The following ADAMTS14 variants were observed in gnomAD, a reference collection of about 807,000 sequenced individuals.
The protein encoded by ADAMTS14 is A disintegrin and metalloproteinase with thrombospondin motifs 14.
In ADAMTS14, 100 loss-of-function variants were observed where a neutral mutation model predicts 128.6. The ratio of observed to expected loss-of-function variants is 0.78; its 90% CI spans 0.66 to 0.92. The LOEUF (loss-of-function observed/expected upper bound fraction) is 0.92. Among genes scored for constraint, ADAMTS14 ranks in the 40% least tolerant of loss-of-function variants. The pLI is 0.00. For missense variants in ADAMTS14, 1,562 were observed against 1,658.6 expected (o/e 0.94, Z 1.01); for synonymous variants, 665 against 653.8 (o/e 1.02, Z -0.26).
chr10:70,687,230 C>CG (rs1839997597), intron 2 of ADAMTS14, among the ~76,000 whole-genome samples: 1 of 39,322 alleles, frequency 2.5e-5, no homozygotes, highest in Non-Finnish European at 5.4e-5. Context: ...GCTGGCTGGG[C>CG]GGGGGGCTGA....
chr10:70,729,077 A>G (rs1307183822), intron 4 of ADAMTS14, among the ~76,000 whole-genome samples: 1 of 152,102 alleles, frequency 6.6e-6, no homozygotes, highest in African/African-American at 2.4e-5. Context: ...ATGGTCTAAG[A>G]TGTGAATCCC....
intron 3 of ADAMTS14, among the ~76,000 whole-genome samples, chr10:70,706,697 G>A (rs924464110): frequency 2.0e-5 from 3 of 152,242 alleles, no homozygotes; most frequent in African/African-American, 7.2e-5. Context: ...TGCCAGGCCA[G>A]TGGCCACACG....
intron 2 of ADAMTS14, among the ~76,000 whole-genome samples, chr10:70,689,877 T>G (rs1840135465): frequency 6.9e-6 from 1 of 145,046 alleles, no homozygotes; most frequent in Non-Finnish European, 1.6e-5. Flanking sequence ...CCCCTCAGGC[T>G]TTCACTCAAA....
At chr10:70,725,376 A>T (rs901625444) in intron 4 of ADAMTS14, among the ~76,000 whole-genome samples, 1 of 152,170 alleles carries the variant, frequency 6.6e-6, no homozygotes, top group Admixed American at 6.5e-5. Flanking sequence ...TCCCTGTCAG[A>T]TGGAGGGGGA....
intron 6 of ADAMTS14, 91 bp downstream of exon 6, chr10:70,730,340 G>T: frequency 2.0e-6 from 3 of 1,483,832 alleles, no homozygotes; most frequent in Non-Finnish European, 2.7e-6. Flanking sequence ...GCTCTCTTCT[G>T]GGGCCCACCA....
intron 18 of ADAMTS14, among the ~76,000 whole-genome samples, chr10:70,752,832 TG>T (rs1391738134): frequency 6.6e-6 from 1 of 152,094 alleles, no homozygotes; most frequent in Non-Finnish European, 1.5e-5. Context: ...GGCATGTAAT[TG>T]GGGCAAGGGT....
At chr10:70,742,642 C>T (rs779651372) in intron 12 of ADAMTS14, among the ~76,000 whole-genome samples, 12 of 152,204 alleles carry the variant, frequency 7.9e-5, no homozygotes, top group Non-Finnish European at 1.5e-4. Context: ...AACCAGCAGC[C>T]ACAGCGTTGG....
chr10:70,693,912 A>G (rs553071458), intron 2 of ADAMTS14, among the ~76,000 whole-genome samples: 2 of 152,310 alleles, frequency 1.3e-5, no homozygotes, highest in African/African-American at 4.8e-5. Flanking sequence ...TGGTGCTGGT[A>G]TGGGGTGCCG....
Position 70,691,431 on chromosome 10 carries a change from C to A in ADAMTS14, c.523-10881C>A, listed in dbSNP as rs1840182578. 2.3e-5 allele frequency among the ~76,000 whole-genome samples: 3 copies of A among 130,076 alleles called. 1 individual carries two copies. The highest frequency in any genetic ancestry group is 5.0e-5 in the Non-Finnish European group (3 of 60,188). The allele number at this position is 130,076 out of a possible 152,430, so 85.3% of individuals were successfully genotyped here. ...GCTTGAACCTGGGAGGCAGAGGTTG[C>A]AGTGAGCAGAGATCGTGCCACTGCA... On this transcript the variant is annotated intron_variant, in intron 2 of 21. Coordinates refer to ENST00000373207, the MANE Select transcript of ADAMTS14 (RefSeq NM_080722.4).
intron 4 of ADAMTS14, among the ~76,000 whole-genome samples, chr10:70,713,732 G>T (rs1840932251): frequency 6.6e-6 from 1 of 152,192 alleles, no homozygotes; most frequent in Non-Finnish European, 1.5e-5. Flanking sequence ...GTCACAGCTT[G>T]CCGCTGTGTA....
At chr10:70,697,873 C>A (rs1025500774) in intron 2 of ADAMTS14, among the ~76,000 whole-genome samples, 18 of 152,214 alleles carry the variant, frequency 1.2e-4, no homozygotes, top group South Asian at 1.0e-3. Flanking sequence ...ACCTTTGCAA[C>A]CAAAACGATG....
At position 70,672,852 on chromosome 10, in the gene ADAMTS14, C is replaced by T. The variant is rs1340936217; in HGVS notation, c.50C>T (p.Ala17Val). 4 of 1,507,136 alleles carry T rather than the reference C, an allele frequency of 2.7e-6. No individual in the cohort carries two copies. Among genetic ancestry groups the T allele is most frequent in the Non-Finnish European group, 2.6e-6 (3 of 1,133,132 alleles). 93.4% of individuals were successfully genotyped at this position (1,507,136 alleles called of 1,614,324 possible). Residue 17 changes from alanine (A) to valine (V), a missense_variant, in exon 1 of 22, where the codon GCG becomes GTG. By Grantham distance (64) the Ala-to-Val change is moderately conservative. Transcript: ENST00000373207. ...TCCTACCTGCTGCCTTTGCACTGTGCGCTCTGCGCCGCCGCGGGCAGCCGG... is the reference window on the plus strand; with the variant it reads ...TCCTACCTGCTGCCTTTGCACTGTGTGCTCTGCGCCGCCGCGGGCAGCCGG... Reference protein sequence around the residue: ...LLSYLLPLHCALCAAAGSRTP... With the variant: ...LLSYLLPLHCVLCAAAGSRTP...
At chr10:70,730,349 C>G (rs1034776996) in intron 6 of ADAMTS14, 100 bp downstream of exon 6, 23 of 1,455,418 alleles carry the variant, frequency 1.6e-5, no homozygotes, top group East Asian at 2.5e-5. Context: ...TGGGGCCCAC[C>G]ACATGGAGGT....
intron 12 of ADAMTS14, 29 bp from the exon 13 acceptor site, chr10:70,743,519 G>T: frequency 1.9e-6 from 3 of 1,602,244 alleles, no homozygotes; most frequent in Non-Finnish European, 2.6e-6. Context: ...AGCCCAGCTG[G>T]GGACTCAGCA....
At chr10:70,728,053 A>G (rs7082203) in intron 4 of ADAMTS14, among the ~76,000 whole-genome samples, 41,529 of 149,676 alleles carry the variant, frequency 0.28, 6,599 homozygotes, top group African/African-American at 0.44. Context: ...CCGAGATCGC[A>G]CCACTGCGCT....
chr10:70,672,572 C>G lies in ADAMTS14; in HGVS notation c.-231C>G, dbSNP rs1839512973. On this transcript the variant is annotated 5_prime_UTR_variant, in exon 1 of 22. Coordinates refer to ENST00000373207, the MANE Select transcript of ADAMTS14 (RefSeq NM_080722.4). ...GGGTGCGCTGGCGCGTCAGTGGCCC[C>G]GCTCTCCAGCCGGCAGCCTCGCGCG... Among the ~76,000 whole-genome samples, 1 of 151,460 alleles carries G rather than the reference C, an allele frequency of 6.6e-6. No individual in the cohort carries two copies. The highest frequency in any genetic ancestry group is 1.5e-5 in the Non-Finnish European group (1 of 67,812).
chr10:70,693,761 C>T (rs1211787223), intron 2 of ADAMTS14, among the ~76,000 whole-genome samples: 1 of 152,206 alleles, frequency 6.6e-6, no homozygotes, highest in Non-Finnish European at 1.5e-5. Context: ...CACCCAGCAT[C>T]TTCCAGGGTG....
chr10:70,728,382 T>C (rs923328711), intron 4 of ADAMTS14, among the ~76,000 whole-genome samples: 3 of 152,244 alleles, frequency 2.0e-5, no homozygotes, highest in African/African-American at 7.2e-5. Context: ...TTTCTTTTTT[T>C]GTAGTTTTCA....
intron 4 of ADAMTS14, among the ~76,000 whole-genome samples, chr10:70,724,376 T>G (rs1841362244): frequency 6.6e-6 from 1 of 152,232 alleles, no homozygotes; most frequent in African/African-American, 2.4e-5. Context: ...GTAGCCATCC[T>G]GTCTCGTGCC....
Sources: allele counts gnomAD v4.1 joint callset (sites outside exome capture counted in the v4.1 genomes callset), GRCh38; gene constraint gnomAD v4.1.1; transcripts MANE v1.5; gene names NCBI Gene and HGNC (gene_info 2026-07-23, HGNC 2026-07-21).